Variants in MSRA observed in about 807,000 individuals in gnomAD.
The protein encoded by MSRA is mitochondrial peptide methionine sulfoxide reductase.
A neutral mutation model predicts 31.3 loss-of-function variants in MSRA; 54 were observed. The ratio of observed to expected loss-of-function variants is 1.73; its 90% CI spans 1.39 to 2.17. The LOEUF (loss-of-function observed/expected upper bound fraction) is 2.17. MSRA is among the 30% of genes most tolerant of loss of function. MSRA has a pLI of 0.00. For missense variants in MSRA, 507 were observed against 300.9 expected, an observed-to-expected ratio of 1.69 and a Z score of -5.07; for synonymous variants, 169 against 116.5, an observed-to-expected ratio of 1.45 and a Z score of -2.90.
chr8:10,242,231 A>G (rs188642729), intron 2 of MSRA, among the ~76,000 whole-genome samples: 65 of 151,740 alleles, frequency 4.3e-4, no homozygotes, highest in African/African-American at 1.5e-3. Flanking sequence ...AGATTGCGCC[A>G]CTGAACTCCA....
At chr8:10,239,276 C>G (rs558365759) in intron 2 of MSRA, among the ~76,000 whole-genome samples, 280 of 152,208 alleles carry the variant, frequency 1.8e-3, no homozygotes, top group African/African-American at 5.1e-3. Context: ...ATTCTTCTGC[C>G]TCAGCCTCAT....
At chr8:10,216,066 A>G (rs980780995) in intron 2 of MSRA, among the ~76,000 whole-genome samples, 2 of 152,222 alleles carry the variant, frequency 1.3e-5, no homozygotes, top group Non-Finnish European at 2.9e-5. Flanking sequence ...CCCAACTAGC[A>G]TTTTTAAGAA....
chr8:10,394,943 T>A (rs1367153391), intron 5 of MSRA, among the ~76,000 whole-genome samples: 1 of 152,248 alleles, frequency 6.6e-6, no homozygotes, highest in Non-Finnish European at 1.5e-5. Context: ...GAACTGAGTC[T>A]CTTCGATGTT....
At chr8:10,382,092 T>C (rs895848133) in intron 5 of MSRA, among the ~76,000 whole-genome samples, 2 of 152,200 alleles carry the variant, frequency 1.3e-5, no homozygotes, top group Non-Finnish European at 2.9e-5. Flanking sequence ...TAAGTGGCTT[T>C]CTAGAAGCTC....
rs570826018 is a variant in MSRA at position 10,068,993 on chromosome 8, A to G, written c.142+14335A>G. On this transcript the variant is annotated intron_variant, in intron 1 of 5. Coordinates refer to ENST00000317173, the MANE Select transcript of MSRA (RefSeq NM_012331.5). ...AGTCTTGTTCTTAGGGATCTTGCAC[A>G]TATTTTATTAATACCAAAATATTTC... Among the ~76,000 whole-genome samples the G allele has an allele frequency of 1.1e-4, 16 of 152,334 alleles. No individual in the cohort carries two copies. The South Asian group carries it at 3.1e-3, about 30-fold the overall frequency.
chr8:10,297,035 G>T (rs1310822728), intron 3 of MSRA, among the ~76,000 whole-genome samples: 2 of 152,078 alleles, frequency 1.3e-5, no homozygotes, highest in Non-Finnish European at 2.9e-5. Context: ...TTTTCTCCAC[G>T]GATAGGAAGC....
intron 4 of MSRA, among the ~76,000 whole-genome samples, chr8:10,309,829 G>A (rs1441784419): frequency 6.6e-6 from 1 of 152,178 alleles, no homozygotes; most frequent in East Asian, 1.9e-4. Context: ...CCCTGCTCCA[G>A]GCGAGTTTTT....
intron 5 of MSRA, among the ~76,000 whole-genome samples, chr8:10,420,253 A>C (rs952994128): frequency 2.6e-5 from 4 of 152,100 alleles, no homozygotes; most frequent in East Asian, 3.9e-4. Flanking sequence ...CAGAAAGCAG[A>C]ATGGGGGTTG....
chr8:10,192,314 A>C (rs1469711454), intron 1 of MSRA, among the ~76,000 whole-genome samples: 1 of 152,218 alleles, frequency 6.6e-6, no homozygotes, highest in Non-Finnish European at 1.5e-5. Flanking sequence ...CTTTAGAACC[A>C]GGGGAGGATC....
chr8:10,064,606 T>C (rs768496619), intron 1 of MSRA, among the ~76,000 whole-genome samples: 7 of 152,236 alleles, frequency 4.6e-5, no homozygotes, highest in Admixed American at 1.3e-4. Context: ...ATCGGATGTC[T>C]TCCCAGAGCA....
At chr8:10,380,310 A>G (rs1805989572) in intron 5 of MSRA, among the ~76,000 whole-genome samples, 1 of 152,202 alleles carries the variant, frequency 6.6e-6, no homozygotes, top group East Asian at 1.9e-4. Context: ...TTTTTCTAGG[A>G]CAAGCTCTGC....
intron 5 of MSRA, among the ~76,000 whole-genome samples, chr8:10,412,471 G>A (rs1328220034): frequency 1.3e-5 from 2 of 152,130 alleles, no homozygotes; most frequent in South Asian, 2.1e-4. Flanking sequence ...ATAAACTATC[G>A]AACATGATGT....
intron 5 of MSRA, among the ~76,000 whole-genome samples, chr8:10,361,947 C>T (rs542211137): frequency 1.3e-5 from 2 of 152,134 alleles, no homozygotes; most frequent in South Asian, 2.1e-4. Flanking sequence ...AAAGGGAAAT[C>T]GTTTCCTTCT....
In MSRA at chr8:10,390,466, C is replaced by G. The variant is rs9650650; in HGVS notation, c.544-37682C>G. On this transcript the variant is annotated intron_variant, in intron 5 of 5. Transcript: ENST00000317173. ...GCACTTGCCTCTTAGTCTTCCTCCC[C>G]ACTCCCACCCGTGTCCCCGCCCACC... 3.9e-5 allele frequency among the ~76,000 whole-genome samples: 6 copies of G among 152,182 alleles called. No homozygotes were observed. In the South Asian group the frequency reaches 6.2e-4, roughly 16 times the overall value.
chr8:10,290,908 G>T (rs911659343), intron 3 of MSRA, among the ~76,000 whole-genome samples: 1 of 152,118 alleles, frequency 6.6e-6, no homozygotes, highest in African/African-American at 2.4e-5. Flanking sequence ...TGCCTGTTTC[G>T]CAGCAGAGTG....
chr8:10,297,175 C>T (rs942646913), intron 3 of MSRA, among the ~76,000 whole-genome samples: 5 of 152,134 alleles, frequency 3.3e-5, no homozygotes, highest in South Asian at 4.1e-4. Flanking sequence ...GGCCCCAGGT[C>T]ATGCTTGTAT....
At position 10,319,931 on chromosome 8, in the gene MSRA, A is replaced by C. The variant is rs759441175; in HGVS notation, c.485A>C (p.Tyr162Ser). The change falls in exon 5 of 6, where the codon TAC becomes TCC. Residue 162 changes from tyrosine (Y) to serine (S), a missense_variant. Transcript: ENST00000317173. The part of the protein sequence containing the change: ...DHGTQYRSAI[Y>S]PTSAKQMEAA... Reference sequence around the variant, plus strand: ...GGCACTCAGTACCGCTCGGCCATCTACCCGACCTCTGCCAAGCAAATGGAG... The same window carrying C: ...GGCACTCAGTACCGCTCGGCCATCTCCCCGACCTCTGCCAAGCAAATGGAG... 1.3e-5 allele frequency: 21 copies of C among 1,601,686 alleles called. No homozygotes were observed. The East Asian group carries it at 4.5e-4, about 34-fold the overall frequency.
chr8:10,179,356 G>T (rs770780013), intron 1 of MSRA, among the ~76,000 whole-genome samples: 7 of 152,178 alleles, frequency 4.6e-5, no homozygotes, highest in Admixed American at 1.3e-4. Flanking sequence ...GGCTGTAAGG[G>T]TTGGTGTCTT....
At chr8:10,126,813 C>G (rs146544052) in intron 1 of MSRA, among the ~76,000 whole-genome samples, 111 of 152,326 alleles carry the variant, frequency 7.3e-4, no homozygotes, top group African/African-American at 2.5e-3. Context: ...CATGTCCAGC[C>G]TAGATTTTCA....
Sources: gnomAD v4.1 joint callset for allele counts (sites outside exome capture counted in the v4.1 genomes callset) on GRCh38, gnomAD v4.1.1 for gene constraint, MANE v1.5 for transcripts, NCBI Gene and HGNC (gene_info 2026-07-23, HGNC 2026-07-21) for gene names.